The following DNAI4 variants were observed in gnomAD, a reference collection of about 807,000 sequenced individuals.
DNAI4 encodes the protein WD repeat domain 78.
Under a neutral mutation model 105.8 loss-of-function variants are expected in DNAI4, and 85 were observed. The ratio of observed to expected loss-of-function variants is 0.80; its 90% confidence interval spans 0.67 to 0.96. DNAI4 has a LOEUF of 0.96. Ranked by LOEUF, DNAI4 falls within the 40% of genes least tolerant of loss-of-function variation. DNAI4 has a pLI of 0.00. For synonymous variants in DNAI4, 352 were observed against 331.5 expected (o/e 1.06, Z -0.67); for missense variants, 1,014 against 1,005.6 (o/e 1.01, Z -0.11).
intron 15 of DNAI4, among the ~76,000 whole-genome samples, chr1:66,823,752 G>A (rs1261919783): frequency 6.8e-6 from 1 of 147,736 alleles, no homozygotes; most frequent in Non-Finnish European, 1.5e-5. Flanking sequence ...TTTTTGATGG[G>A]GTTGTTTGTT....
At chr1:66,920,318 A>G (rs1650379562) in intron 1 of DNAI4, among the ~76,000 whole-genome samples, 2 of 151,994 alleles carry the variant, frequency 1.3e-5, no homozygotes, top group South Asian at 4.2e-4. Context: ...AACCACTTTC[A>G]CACAATAAAA....
At chr1:66,910,448 A>G (rs1649572362) in intron 1 of DNAI4, among the ~76,000 whole-genome samples, 1 of 152,168 alleles carries the variant, frequency 6.6e-6, no homozygotes, top group Non-Finnish European at 1.5e-5. Context: ...GCACATTTTC[A>G]TATCAAAGAC....
chr1:66,899,453 A>G (rs1648618056), intron 2 of DNAI4, among the ~76,000 whole-genome samples: 1 of 152,182 alleles, frequency 6.6e-6, no homozygotes, highest in Admixed American at 6.5e-5. Flanking sequence ...TTATTAATGA[A>G]TTGTAAGAGT....
At chr1:66,845,190 CA>C (rs59265844) in intron 8 of DNAI4, among the ~76,000 whole-genome samples, 26 of 106,300 alleles carry the variant, frequency 2.4e-4, no homozygotes, top group African/African-American at 8.8e-4. Flanking sequence ...AACTCCATCT[CA>C]AAAAAAAAAA....
intron 16 of DNAI4, among the ~76,000 whole-genome samples, chr1:66,816,720 C>A (rs1645524987): frequency 8.3e-6 from 1 of 119,964 alleles, no homozygotes. Flanking sequence ...TCTTACCAGC[C>A]TTGAAATCAC....
At chr1:66,820,598 T>C (rs1645605387) in intron 16 of DNAI4, among the ~76,000 whole-genome samples, 1 of 152,050 alleles carries the variant, frequency 6.6e-6, no homozygotes, top group Non-Finnish European at 1.5e-5. Context: ...TAAGCAAGTT[T>C]ATGTATATTC....
intron 6 of DNAI4, chr1:66,871,106 T>C: frequency 2.7e-6 from 1 of 374,806 alleles, no homozygotes; most frequent in Non-Finnish European, 4.7e-6. Context: ...AATCAGTTTA[T>C]ATAAACGTTT....
At chr1:66,869,730 A>C (rs1475810036) in intron 6 of DNAI4, among the ~76,000 whole-genome samples, 1 of 152,228 alleles carries the variant, frequency 6.6e-6, no homozygotes, top group Non-Finnish European at 1.5e-5. Context: ...GATGTGCAGC[A>C]ACAATGAGCT....
intron 4 of DNAI4, among the ~76,000 whole-genome samples, chr1:66,886,256 A>C (rs898141990): frequency 1.3e-5 from 2 of 152,168 alleles, no homozygotes; most frequent in East Asian, 3.8e-4. Flanking sequence ...TTTCTCCATT[A>C]GATCTCTTAA....
In DNAI4 at chr1:66,905,523, T is replaced by C. The variant is rs991656595; in HGVS notation, c.171-148A>G. The C allele has an allele frequency of 5.3e-5, 26 of 493,078 alleles. No individual in the cohort carries two copies. The South Asian group carries it at 1.0e-3, about 20-fold the overall frequency. The allele number at this position is 493,078 out of a possible 1,614,324, so 30.5% of individuals were successfully genotyped here. On this transcript the variant is annotated intron_variant, in intron 1 of 16. Transcript: ENST00000371026. ...ATGATAACTATTTGAAATCTTATTA[T>C]GTATAAACATAGTTCTAAAGAGTTG...
chr1:66,884,480 T>G (rs1054343696), intron 4 of DNAI4, among the ~76,000 whole-genome samples: 1 of 152,196 alleles, frequency 6.6e-6, no homozygotes, highest in Non-Finnish European at 1.5e-5. Context: ...GATGAAATGA[T>G]CATACAGTTT....
At chr1:66,864,724 C>T (rs1646695708) in intron 6 of DNAI4, among the ~76,000 whole-genome samples, 1 of 152,134 alleles carries the variant, frequency 6.6e-6, no homozygotes, top group South Asian at 2.1e-4. Flanking sequence ...ACCTATAGAC[C>T]CAGCTACTCC....
chr1:66,822,570 T>C, intron 15 of DNAI4, 53 bp from the exon 16 acceptor site: 2 of 1,365,080 alleles, frequency 1.5e-6, no homozygotes, highest in Admixed American at 2.8e-5. Context: ...ATATGGTCTT[T>C]TAAATAGACA....
intron 16 of DNAI4, among the ~76,000 whole-genome samples, chr1:66,814,659 C>T (rs1645480451): frequency 6.6e-6 from 1 of 152,136 alleles, no homozygotes; most frequent in Admixed American, 6.5e-5. Context: ...TGAGCCACCG[C>T]GCCTGGCCAA....
intron 16 of DNAI4, among the ~76,000 whole-genome samples, chr1:66,816,053 A>C (rs952209847): frequency 6.6e-6 from 1 of 152,176 alleles, no homozygotes; most frequent in African/African-American, 2.4e-5. Flanking sequence ...CACACCTGTA[A>C]CACCAGTGCT....
At chr1:66,837,610 A>C in intron 10 of DNAI4, 100 bp downstream of exon 10, 4 of 1,315,268 alleles carry the variant, frequency 3.0e-6, no homozygotes, top group African/African-American at 1.5e-5. Flanking sequence ...TGATTGATAA[A>C]ATTTTCTAGA....
At chr1:66,866,308 A>AAT (rs1646732169) in intron 6 of DNAI4, among the ~76,000 whole-genome samples, 1 of 151,542 alleles carries the variant, frequency 6.6e-6, no homozygotes, top group Non-Finnish European at 1.5e-5. Flanking sequence ...CTCTGTCTCA[A>AAT]AAAAAAAAGA....
intron 7 of DNAI4, among the ~76,000 whole-genome samples, chr1:66,853,013 A>G (rs1278902481): frequency 1.3e-5 from 2 of 152,252 alleles, no homozygotes; most frequent in African/African-American, 4.8e-5. Context: ...AAGCCAAGAT[A>G]GCTACTCTCT....
rs1296039822 is a variant in DNAI4, at chr1:66,905,391, A to G, written c.171-16T>C. The G allele has an allele frequency of 7.1e-7, 1 of 1,407,142 alleles. No individual in the cohort carries two copies. The allele number at this position is 1,407,142 out of a possible 1,614,324, so 87.2% of individuals were successfully genotyped here. The stretch of plus-strand genomic sequence containing the variant: ...GGCATTGTTCCTATATAAGAAAAAT[A>G]AAATATAATGCAAAGGATTCAAGAT... On this transcript the variant is annotated splice_polypyrimidine_tract_variant and intron_variant, in intron 1 of 16. Coordinates refer to ENST00000371026, the MANE Select transcript of DNAI4 (RefSeq NM_024763.5).
Sources: allele counts gnomAD v4.1 joint callset (sites outside exome capture counted in the v4.1 genomes callset), GRCh38; gene constraint gnomAD v4.1.1; transcripts MANE v1.5; gene names NCBI Gene and HGNC (gene_info 2026-07-23, HGNC 2026-07-21).